PDS5B: variants seen among roughly 807,000 people sequenced by gnomAD.
The protein encoded by PDS5B is PDS5 cohesin associated factor B, also known as sister chromatid cohesion protein PDS5 homolog B.
In PDS5B, 51 loss-of-function variants were observed where a neutral mutation model predicts 184.1. The ratio of observed to expected loss-of-function variants is 0.28; its 90% CI spans 0.22 to 0.35. PDS5B has a LOEUF of 0.35. Among genes scored for constraint, PDS5B ranks in the 10% least tolerant of loss-of-function variants. PDS5B has a pLI of 1.00. For missense variants in PDS5B, 1,180 were observed against 1,723.3 expected (o/e 0.68, Z 5.58); for synonymous variants, 566 against 569.2 (o/e 0.99, Z 0.08).
At chr13:32,701,160 T>C (rs1427770060) in intron 16 of PDS5B, 163 bp from the exon 17 acceptor site, 1 of 528,106 alleles carries the variant, frequency 1.9e-6, no homozygotes, top group Non-Finnish European at 3.4e-6. Flanking sequence ...TTTCATATGC[T>C]AAATCCTTAA....
chr13:32,648,653 G>A (rs927890591), intron 1 of PDS5B, 101 bp from the exon 2 acceptor site: 4 of 596,912 alleles, frequency 6.7e-6, no homozygotes, highest in Non-Finnish European at 1.2e-5. Context: ...AAATTAGGAG[G>A]TAGTTACAAA....
chr13:32,614,640 T>C (rs2058192681), intron 1 of PDS5B, among the ~76,000 whole-genome samples: 1 of 152,218 alleles, frequency 6.6e-6, no homozygotes, highest in African/African-American at 2.4e-5. Context: ...CTCAAATATT[T>C]ATCTAATAAT....
intron 1 of PDS5B, among the ~76,000 whole-genome samples, chr13:32,638,910 G>A (rs913265827): frequency 6.6e-6 from 1 of 151,844 alleles, no homozygotes; most frequent in Non-Finnish European, 1.5e-5. Context: ...GAGGGTTTCC[G>A]TTTGATGGCG....
chr13:32,652,275 G>T (rs766696759), intron 3 of PDS5B: 40 of 288,192 alleles, frequency 1.4e-4, no homozygotes, highest in Middle Eastern at 2.2e-3. Flanking sequence ...ATAATTTTGG[G>T]GGCAATTCCT....
chr13:32,744,178 T>G (rs968478186), intron 23 of PDS5B, among the ~76,000 whole-genome samples: 2 of 152,164 alleles, frequency 1.3e-5, no homozygotes, highest in African/African-American at 4.8e-5. Flanking sequence ...TGTCTTAGAT[T>G]CTTCATCTGT....
At position 32,651,800 on chromosome 13, in the gene PDS5B, A is replaced by G. The variant is rs746373065; in HGVS notation, c.109-4A>G. On this transcript the variant is annotated splice_region_variant and splice_polypyrimidine_tract_variant and intron_variant, in intron 2 of 34. Transcript: ENST00000315596. ...TCATTATTTGATTTTTTATTTTTGT[A>G]TAGATGGTTGTGAAAACTTTTATGG... 35 of 1,568,316 alleles carry G rather than the reference A, an allele frequency of 2.2e-5. No individual in the cohort carries two copies. The highest frequency in any genetic ancestry group is 5.4e-5 in the African/African-American group (4 of 73,656).
At chr13:32,635,170 GTTTTTTT>G (rs71071054) in intron 1 of PDS5B, among the ~76,000 whole-genome samples, 12 of 81,120 alleles carry the variant, frequency 1.5e-4, no homozygotes, top group African/African-American at 4.0e-4. Flanking sequence ...AGCCAATTAC[GTTTTTTT>G]TTTTTTTTTT....
At chr13:32,635,226 G>A (rs2058527883) in intron 1 of PDS5B, among the ~76,000 whole-genome samples, 1 of 108,968 alleles carries the variant, frequency 9.2e-6, no homozygotes, top group South Asian at 3.0e-4. Flanking sequence ...GTGGAGATGG[G>A]GGGGTCTCAC....
intron 27 of PDS5B, 54 bp from the exon 28 acceptor site, chr13:32,758,480 A>G: frequency 2.0e-6 from 3 of 1,522,274 alleles, no homozygotes; most frequent in East Asian, 2.3e-5. Flanking sequence ...CCTAGTTTAC[A>G]GAGTCTAGAT....
chr13:32,658,008 T>C (rs1950558381), intron 3 of PDS5B, among the ~76,000 whole-genome samples: 1 of 152,194 alleles, frequency 6.6e-6, no homozygotes, highest in South Asian at 2.1e-4. Flanking sequence ...TTTTTGACTT[T>C]AAGATTATGG....
In PDS5B at chr13:32,758,645, C is replaced by T. The variant is rs752150928; in HGVS notation, c.3301C>T (p.Pro1101Ser). The change falls in exon 28 of 35, where the codon CCT becomes TCT. Residue 1101 changes from proline to serine, a missense_variant. Coordinates refer to ENST00000315596, the MANE Select transcript of PDS5B (RefSeq NM_015032.4). ...PVLPARFFTQ[P>S]DKNFSNTKNY... ...ACTACCAGCTCGTTTCTTCACTCAA[C>T]CTGACAAGGTAGTTACTTTACAATT... 3 of 1,613,416 alleles carry T rather than the reference C, an allele frequency of 1.9e-6. No individual in the cohort carries two copies. The highest frequency in any genetic ancestry group is 1.7e-6 in the Non-Finnish European group (2 of 1,179,570).
At chr13:32,602,667 G>A (rs951867160) in intron 1 of PDS5B, among the ~76,000 whole-genome samples, 3 of 152,092 alleles carry the variant, frequency 2.0e-5, no homozygotes, top group African/African-American at 4.8e-5. Context: ...TTGAGGAATC[G>A]CCACACTGTC....
intron 24 of PDS5B, among the ~76,000 whole-genome samples, chr13:32,750,431 C>T (rs1953930024): frequency 6.6e-6 from 1 of 152,128 alleles, no homozygotes; most frequent in Non-Finnish European, 1.5e-5. Context: ...CTCTGTGGGA[C>T]TGATACTGAG....
At chr13:32,703,602 T>A (rs1040857221) in intron 17 of PDS5B, among the ~76,000 whole-genome samples, 2 of 152,226 alleles carry the variant, frequency 1.3e-5, no homozygotes, top group Non-Finnish European at 2.9e-5. Flanking sequence ...ACCTTCTCAC[T>A]GCTGGAGTGT....
intron 19 of PDS5B, among the ~76,000 whole-genome samples, chr13:32,715,323 C>T (rs1031122595): frequency 6.6e-6 from 1 of 152,194 alleles, no homozygotes; most frequent in Non-Finnish European, 1.5e-5. Context: ...ATGTACCACC[C>T]CTTTTTTATC....
At chr13:32,744,695 T>A (rs547438878) in intron 23 of PDS5B, among the ~76,000 whole-genome samples, 4 of 152,282 alleles carry the variant, frequency 2.6e-5, no homozygotes, top group Admixed American at 2.6e-4. Context: ...CTAAGAACTA[T>A]GATTTACTGA....
At chr13:32,662,478 G>C (rs997359002) in intron 6 of PDS5B, among the ~76,000 whole-genome samples, 1 of 152,058 alleles carries the variant, frequency 6.6e-6, no homozygotes, top group Non-Finnish European at 1.5e-5. Context: ...TTCACTATTT[G>C]TGTTCCATTT....
intron 24 of PDS5B, among the ~76,000 whole-genome samples, chr13:32,747,885 T>C (rs551879629): frequency 6.6e-6 from 1 of 152,336 alleles, no homozygotes; most frequent in East Asian, 1.9e-4. Flanking sequence ...TGAAACAGTA[T>C]ATAAGAAGTA....
At chr13:32,722,293 C>T (rs1952744024) in intron 19 of PDS5B, among the ~76,000 whole-genome samples, 1 of 152,192 alleles carries the variant, frequency 6.6e-6, no homozygotes, top group South Asian at 2.1e-4. Context: ...TGCAGTGAGC[C>T]GAGATCGCGG....
Sources: gnomAD v4.1 joint callset for allele counts (sites outside exome capture counted in the v4.1 genomes callset) on GRCh38, gnomAD v4.1.1 for gene constraint, MANE v1.5 for transcripts, NCBI Gene and HGNC (gene_info 2026-07-23, HGNC 2026-07-21) for gene names.